Variants in TMPRSS15 observed in about 807,000 individuals in gnomAD.
The protein encoded by TMPRSS15 is transmembrane serine protease 15.
A neutral mutation model predicts 125.3 loss-of-function variants in TMPRSS15; 128 were observed. The observed-to-expected ratio is 1.02, with a 90% CI of 0.89 to 1.18. The LOEUF (loss-of-function observed/expected upper bound fraction) is 1.18. Among genes scored for constraint, TMPRSS15 ranks in the 50% most tolerant of loss-of-function variants. TMPRSS15 has a pLI of 0.00. For missense variants in TMPRSS15, 1,283 were observed against 1,212.7 expected, an observed-to-expected ratio of 1.06 and a Z score of -0.86; for synonymous variants, 446 against 423.2, an observed-to-expected ratio of 1.05 and a Z score of -0.66.
intron 6 of TMPRSS15, among the ~76,000 whole-genome samples, chr21:18,371,489 C>T (rs1408095592): frequency 6.6e-6 from 1 of 152,088 alleles, no homozygotes; most frequent in African/African-American, 2.4e-5. Context: ...AGAGTAAATA[C>T]GTTTAAATCA....
At chr21:18,416,661 A>G (rs1772987715) in intron 1 of TMPRSS15, among the ~76,000 whole-genome samples, 1 of 152,064 alleles carries the variant, frequency 6.6e-6, no homozygotes, top group African/African-American at 2.4e-5. Context: ...TGATAAATTC[A>G]CAAACTATTT....
intron 16 of TMPRSS15, among the ~76,000 whole-genome samples, chr21:18,323,287 G>T (rs1176622886): frequency 6.6e-6 from 1 of 152,182 alleles, no homozygotes; most frequent in East Asian, 1.9e-4. Context: ...TATGAAAAAG[G>T]AGAATTAATG....
chr21:18,297,586 T>C, intron 19 of TMPRSS15, 148 bp downstream of exon 19: 2 of 654,168 alleles, frequency 3.1e-6, no homozygotes, highest in South Asian at 1.8e-5. Context: ...TAGATACTGT[T>C]TGAGATTACT....
intron 3 of TMPRSS15, among the ~76,000 whole-genome samples, chr21:18,392,782 AT>A (rs1264088334): frequency 6.6e-6 from 1 of 152,196 alleles, no homozygotes; most frequent in African/African-American, 2.4e-5. Context: ...ACTTAAAATC[AT>A]GGCAGAAGGT....
At chr21:18,453,535 C>T (rs1437239650) in intron 1 of TMPRSS15, among the ~76,000 whole-genome samples, 3 of 152,178 alleles carry the variant, frequency 2.0e-5, no homozygotes, top group South Asian at 4.1e-4. Context: ...ATGCAGTTCA[C>T]ATCTAAAGGC....
At chr21:18,465,019 C>G (rs2122955091) in intron 1 of TMPRSS15, among the ~76,000 whole-genome samples, 9 of 152,132 alleles carry the variant, frequency 5.9e-5, no homozygotes, top group African/African-American at 2.2e-4. Context: ...CAATAAAATA[C>G]AGGCAAAACG....
intron 24 of TMPRSS15, among the ~76,000 whole-genome samples, chr21:18,272,188 T>TAA (rs2074565449): frequency 6.6e-6 from 1 of 152,214 alleles, no homozygotes; most frequent in South Asian, 2.1e-4. Context: ...ACCAACACTG[T>TAA]AAAAGTGTTC....
chr21:18,418,892 T>C (rs1332389649), intron 1 of TMPRSS15, among the ~76,000 whole-genome samples: 2 of 152,206 alleles, frequency 1.3e-5, no homozygotes, highest in Non-Finnish European at 2.9e-5. Flanking sequence ...TTTGCAATTA[T>C]GGGATTGCCT....
intron 3 of TMPRSS15, among the ~76,000 whole-genome samples, chr21:18,393,072 C>G (rs2076004406): frequency 6.6e-6 from 1 of 152,068 alleles, no homozygotes; most frequent in Admixed American, 6.6e-5. Flanking sequence ...TGAGGGTGTA[C>G]AGATGATGTG....
intron 9 of TMPRSS15, 116 bp from the exon 10 acceptor site, chr21:18,353,168 C>CA (rs1463725451): frequency 1.1e-6 from 1 of 908,482 alleles, no homozygotes; most frequent in African/African-American, 1.7e-5. Context: ...GTGGTATGTA[C>CA]AAAATCATTA....
chr21:18,274,341 T>C (rs1471592778), intron 24 of TMPRSS15, among the ~76,000 whole-genome samples: 2 of 152,200 alleles, frequency 1.3e-5, no homozygotes, highest in African/African-American at 4.8e-5. Flanking sequence ...ATCCATGCTC[T>C]TCATGACTAC....
intron 1 of TMPRSS15, among the ~76,000 whole-genome samples, chr21:18,430,505 A>C (rs1051421167): frequency 2.0e-5 from 3 of 152,158 alleles, no homozygotes; most frequent in Admixed American, 6.6e-5. Flanking sequence ...TGCTCAACCA[A>C]AACTGGGCAT....
At chr21:18,288,933 T>G (rs1334380732) in intron 21 of TMPRSS15, among the ~76,000 whole-genome samples, 2 of 151,482 alleles carry the variant, frequency 1.3e-5, no homozygotes, top group Admixed American at 1.3e-4. Flanking sequence ...CAAGCCTAAC[T>G]CCCTAGAACA....
At chr21:18,366,373 T>C (rs1390200337) in intron 6 of TMPRSS15, among the ~76,000 whole-genome samples, 1 of 152,200 alleles carries the variant, frequency 6.6e-6, no homozygotes, top group East Asian at 1.9e-4. Context: ...TTCTATATTT[T>C]CATTCAATAC....
At chr21:18,410,195 G>A (rs945065621) in intron 1 of TMPRSS15, among the ~76,000 whole-genome samples, 3 of 150,534 alleles carry the variant, frequency 2.0e-5, no homozygotes, top group Non-Finnish European at 4.4e-5. Context: ...GCTGTATACA[G>A]CCTTCTTTTG....
intron 16 of TMPRSS15, among the ~76,000 whole-genome samples, chr21:18,325,632 T>A (rs73194620): frequency 0.19 from 28,936 of 151,840 alleles, 2,944 homozygotes; most frequent in East Asian, 0.38. Context: ...GAAAGAGAGA[T>A]GTAGGAAGTA....
intron 13 of TMPRSS15, among the ~76,000 whole-genome samples, chr21:18,340,215 C>G (rs796678518): frequency 6.6e-6 from 1 of 152,190 alleles, no homozygotes; most frequent in Non-Finnish European, 1.5e-5. Context: ...GCTGCCAGCA[C>G]AGCTAGAATA....
rs778491832 is a variant in TMPRSS15, at chr21:18,352,926, T to C, written c.1148A>G (p.Asp383Gly). The change falls in exon 10 of 25, where the codon GAC (aspartate) becomes GGC (glycine). Residue 383 changes from aspartate (D) to glycine (G), a missense_variant. By Grantham distance (94) the Asp-to-Gly change is moderately conservative (BLOSUM62 -1). Coordinates refer to ENST00000284885, the MANE Select transcript of TMPRSS15 (RefSeq NM_002772.3). ...TFSPFTGPNF[D>G]HTFGNASGFY... ...ACCTGAAGCATTGCCAAAAGTGTGG[T>C]CAAAATTGGGTCCAGTAAAAGGAGA... 6.8e-6 allele frequency: 11 copies of C among 1,612,352 alleles called. No homozygotes were observed. In the East Asian group the frequency reaches 2.2e-4, roughly 33 times the overall value.
At chr21:18,284,316 A>T (rs2074737460) in intron 21 of TMPRSS15, among the ~76,000 whole-genome samples, 1 of 152,212 alleles carries the variant, frequency 6.6e-6, no homozygotes, top group South Asian at 2.1e-4. Context: ...ATGACTGGAG[A>T]ATACAGAGCT....
Sources: allele counts gnomAD v4.1 joint callset (sites outside exome capture counted in the v4.1 genomes callset), GRCh38; gene constraint gnomAD v4.1.1; transcripts MANE v1.5; gene names NCBI Gene and HGNC (gene_info 2026-07-23, HGNC 2026-07-21).